The following CFAP20DC variants were observed in gnomAD, a reference collection of about 807,000 sequenced individuals.
The protein encoded by CFAP20DC is CFAP20 domain containing, also known as protein CFAP20DC.
CFAP20DC carries 84 observed loss-of-function variants against 101.7 expected under a neutral mutation model. The observed-to-expected ratio is 0.83, with a 90% CI of 0.69 to 0.99. CFAP20DC has a LOEUF of 0.99. Ranked by LOEUF, CFAP20DC falls within the 50% of genes least tolerant of loss-of-function variation. CFAP20DC has a pLI of 0.00. For missense variants in CFAP20DC, 1,007 were observed against 970.3 expected, an observed-to-expected ratio of 1.04 and a Z score of -0.50; for synonymous variants, 359 against 351.2, an observed-to-expected ratio of 1.02 and a Z score of -0.25.
intron 4 of CFAP20DC, among the ~76,000 whole-genome samples, chr3:59,000,478 A>G (rs969301337): frequency 6.6e-6 from 1 of 152,232 alleles, no homozygotes; most frequent in African/African-American, 2.4e-5. Context: ...AAAGGAAACA[A>G]TAACCTGATA....
intron 4 of CFAP20DC, among the ~76,000 whole-genome samples, chr3:58,939,542 T>G (rs1332985480): frequency 6.6e-6 from 1 of 151,884 alleles, no homozygotes; most frequent in Non-Finnish European, 1.5e-5. Flanking sequence ...CACTGCAAGC[T>G]CCACCTCCCG....
downstream of CFAP20DC, chr3:58,737,367 A>G (rs1296324617): frequency 7.8e-6 from 3 of 386,390 alleles, no homozygotes; most frequent in Non-Finnish European, 1.5e-5. This position sits in a 1 kb window ranked among gnomAD's most constrained non-coding sequence, Gnocchi z 4.1. Context: ...CAAGCAAGCA[A>G]ACAAACAAAC....
chr3:58,771,799 A>G (rs150713615), intron 15 of CFAP20DC, among the ~76,000 whole-genome samples: 1 of 152,142 alleles, frequency 6.6e-6, no homozygotes, highest in East Asian at 1.9e-4. Context: ...CATCCCCACA[A>G]TTTGCTGCCC....
chr3:58,716,980 C>T (rs1225715163), downstream of CFAP20DC, among the ~76,000 whole-genome samples: 1 of 151,798 alleles, frequency 6.6e-6, no homozygotes, highest in East Asian at 1.9e-4. Context: ...TTCTAAAGTA[C>T]CCTACACCAC....
intron 16 of CFAP20DC, among the ~76,000 whole-genome samples, chr3:58,744,927 T>A (rs1575532801): frequency 6.6e-6 from 1 of 152,198 alleles, no homozygotes; most frequent in African/African-American, 2.4e-5. Context: ...CAATGATCCC[T>A]GTAGTGCTTT....
intron 15 of CFAP20DC, among the ~76,000 whole-genome samples, chr3:58,797,266 G>A (rs578255340): frequency 3.9e-5 from 6 of 152,266 alleles, no homozygotes; most frequent in Admixed American, 2.0e-4. Context: ...AAAAGTTCTC[G>A]AAGGAAATTC....
chr3:58,930,933 C>T (rs1327285490), intron 5 of CFAP20DC, among the ~76,000 whole-genome samples: 3 of 152,118 alleles, frequency 2.0e-5, no homozygotes, highest in Non-Finnish European at 4.4e-5. Flanking sequence ...ACAGTGGGTG[C>T]AGCGCACTGT....
chr3:58,998,518 C>G (rs540288305), intron 4 of CFAP20DC, among the ~76,000 whole-genome samples: 9 of 152,168 alleles, frequency 5.9e-5, no homozygotes, highest in Non-Finnish European at 1.2e-4. Context: ...CCCTTTTAAG[C>G]TCTCATGCCT....
At chr3:58,733,408 C>A (rs1452642433) in intron 3 of CFAP20DC, among the ~76,000 whole-genome samples, 2 of 151,854 alleles carry the variant, frequency 1.3e-5, no homozygotes, top group Non-Finnish European at 2.9e-5. Flanking sequence ...ACAAATATAC[C>A]TTATTTCAAA....
At chr3:58,842,205 C>G (rs1468894090) in intron 13 of CFAP20DC, among the ~76,000 whole-genome samples, 1 of 152,172 alleles carries the variant, frequency 6.6e-6, no homozygotes, top group African/African-American at 2.4e-5. Flanking sequence ...CAGCTCCCAG[C>G]GTGAGCGACG....
At chr3:58,842,525 A>G (rs932781514) in intron 13 of CFAP20DC, among the ~76,000 whole-genome samples, 29 of 152,074 alleles carry the variant, frequency 1.9e-4, no homozygotes, top group African/African-American at 6.5e-4. Context: ...CGCCCACGGA[A>G]TCTCGCTGAT....
At chr3:59,036,912 T>A (rs1252288328) in intron 4 of CFAP20DC, among the ~76,000 whole-genome samples, 1 of 152,144 alleles carries the variant, frequency 6.6e-6, no homozygotes, top group Non-Finnish European at 1.5e-5. Context: ...CAAAACAGTA[T>A]GGTACTGGTA....
At chr3:58,952,658 CT>C (rs1355137052) in intron 4 of CFAP20DC, among the ~76,000 whole-genome samples, 1 of 151,850 alleles carries the variant, frequency 6.6e-6, no homozygotes, top group Non-Finnish European at 1.5e-5. Flanking sequence ...GCTATGACAT[CT>C]TTTATTCTGC....
intron 5 of CFAP20DC, among the ~76,000 whole-genome samples, chr3:58,937,119 A>T (rs2087799224): frequency 6.6e-6 from 1 of 152,194 alleles, no homozygotes; most frequent in South Asian, 2.1e-4. Flanking sequence ...CAACGTACTT[A>T]AAATGTCTGA....
rs139486869 is a variant in CFAP20DC, at chr3:58,823,907, C to T, written c.2175+7779G>A. On this transcript the variant is annotated intron_variant, in intron 14 of 16. Transcript: ENST00000482387. Reference sequence around the variant, plus strand: ...ACAATTTAAAAAATCAGTTTTGCCACGTTACTAAATTTGGGACAATCATAA... The same window carrying T: ...ACAATTTAAAAAATCAGTTTTGCCATGTTACTAAATTTGGGACAATCATAA... 2.0e-3 allele frequency among the ~76,000 whole-genome samples: 308 copies of T among 152,182 alleles called. 1 individual carries two copies. The highest frequency in any genetic ancestry group is 7.1e-3 in the African/African-American group (294 of 41,532).
At chr3:58,884,502 T>A in intron 7 of CFAP20DC, 43 bp downstream of exon 7, 1 of 1,576,404 alleles carries the variant, frequency 6.3e-7, no homozygotes, top group African/African-American at 1.3e-5. Context: ...ATGGGAGAGA[T>A]GCAGACATAT....
chr3:58,737,641 C>T (rs909191669), downstream of CFAP20DC, among the ~76,000 whole-genome samples: 6 of 152,158 alleles, frequency 3.9e-5, no homozygotes, highest in Non-Finnish European at 4.4e-5. The surrounding 1 kb of genome is among the most constrained non-coding windows in gnomAD (Gnocchi z 4.1). Context: ...GTATTTTCCA[C>T]CTTGGTTTGA....
chr3:58,962,313 T>G (rs2091208738), intron 4 of CFAP20DC, among the ~76,000 whole-genome samples: 1 of 152,338 alleles, frequency 6.6e-6, no homozygotes, highest in African/African-American at 2.4e-5. Flanking sequence ...TATAAGTATG[T>G]GAGGATTTCC....
At chr3:58,771,852 G>A (rs902299680) in intron 15 of CFAP20DC, among the ~76,000 whole-genome samples, 50 of 152,030 alleles carry the variant, frequency 3.3e-4, no homozygotes, top group African/African-American at 1.1e-3. Flanking sequence ...ACATCTCCAC[G>A]ACTTATCTCT....
Sources: allele counts gnomAD v4.1 joint callset (sites outside exome capture counted in the v4.1 genomes callset), GRCh38; gene constraint gnomAD v4.1.1; non-coding constraint Gnocchi (gnomAD v3.1); transcripts MANE v1.5; gene names NCBI Gene and HGNC (gene_info 2026-07-23, HGNC 2026-07-21).